FRMD4B: variants seen among roughly 807,000 people sequenced by gnomAD.
FRMD4B encodes FERM domain containing 4B.
In FRMD4B, 74 loss-of-function variants were observed where a neutral mutation model predicts 141.5. The observed-to-expected ratio is 0.52, with a 90% CI of 0.43 to 0.63. The LOEUF is 0.63. FRMD4B is among the 30% of genes least tolerant of loss of function. The pLI, the probability that FRMD4B is intolerant of heterozygous loss-of-function variation, is 0.00. For synonymous variants in FRMD4B, 506 were observed against 467.9 expected (o/e 1.08, Z -1.05); for missense variants, 1,366 against 1,253.4 (o/e 1.09, Z -1.36).
At chr3:69,327,196 T>C (rs1702215754) in intron 1 of FRMD4B, among the ~76,000 whole-genome samples, 1 of 152,186 alleles carries the variant, frequency 6.6e-6, no homozygotes, top group African/African-American at 2.4e-5. Flanking sequence ...TTGGAAACTT[T>C]TTGCTTTGCC....
At chr3:69,355,768 T>A (rs1483891129) in intron 1 of FRMD4B, among the ~76,000 whole-genome samples, 1 of 152,178 alleles carries the variant, frequency 6.6e-6, no homozygotes, top group Non-Finnish European at 1.5e-5. Context: ...CTCACACCTG[T>A]AATCTCAGCA....
chr3:69,234,298 G>T (rs1559739884), intron 7 of FRMD4B, among the ~76,000 whole-genome samples: 3 of 150,622 alleles, frequency 2.0e-5, no homozygotes, highest in African/African-American at 7.3e-5. Flanking sequence ...TGTAACAGGT[G>T]CCAACTTAAC....
intron 1 of FRMD4B, among the ~76,000 whole-genome samples, chr3:69,343,572 TTTTTG>T (rs1387914204): frequency 4.4e-5 from 3 of 68,820 alleles, no homozygotes; most frequent in African/African-American, 9.6e-5. Flanking sequence ...TCTTAACAGT[TTTTTG>T]TTTTTTTTTT....
chr3:69,478,930 T>G (rs992460351), intron 1 of FRMD4B, among the ~76,000 whole-genome samples: 7 of 150,082 alleles, frequency 4.7e-5, no homozygotes, highest in East Asian at 2.0e-4. Context: ...TAGCTCTTCT[T>G]GTTGAATTGA....
chr3:69,387,258 G>A (rs1320900959), upstream of FRMD4B, among the ~76,000 whole-genome samples: 1 of 152,016 alleles, frequency 6.6e-6, no homozygotes, highest in African/African-American at 2.4e-5. Context: ...CCTCAGCCAC[G>A]GGGACTACAG....
In FRMD4B at chr3:69,336,107, G is replaced by GA. The variant is rs371569443; in HGVS notation, c.163-22591_163-22590insT. On this transcript the variant is annotated intron_variant, in intron 1 of 22. Coordinates refer to ENST00000398540, the MANE Select transcript of FRMD4B (RefSeq NM_015123.3). Reference sequence around the variant, plus strand: ...CAAGAACCAATTATAACTTCCCTTGGGGGGTGAAGTCACCCTATGGAGAAT... The same window carrying GA: ...CAAGAACCAATTATAACTTCCCTTGGAGGGGTGAAGTCACCCTATGGAGAAT... Among the ~76,000 whole-genome samples, 641 of 151,916 alleles carry GA rather than the reference G, an allele frequency of 4.2e-3. 4 individuals are homozygous for GA. Among genetic ancestry groups the GA allele is most frequent in the African/African-American group, 0.014 (574 of 41,386 alleles).
At chr3:69,312,901 A>G (rs7649373) in intron 2 of FRMD4B, among the ~76,000 whole-genome samples, 39,532 of 151,766 alleles carry the variant, frequency 0.26, 5,699 homozygotes, top group East Asian at 0.38. Context: ...AAAAAAAAAT[A>G]TATCTATCTA....
chr3:69,339,609 C>T (rs1015136062), intron 1 of FRMD4B, among the ~76,000 whole-genome samples: 2 of 151,998 alleles, frequency 1.3e-5, no homozygotes, highest in Non-Finnish European at 2.9e-5. Flanking sequence ...ATAAATGTAT[C>T]CCAGAACTTA....
intron 5 of FRMD4B, among the ~76,000 whole-genome samples, chr3:69,267,160 C>A (rs2093566193): frequency 6.6e-6 from 1 of 152,176 alleles, no homozygotes; most frequent in Non-Finnish European, 1.5e-5. Context: ...GTTTCTGATT[C>A]ATGTCCAACA....
intron 4 of FRMD4B, among the ~76,000 whole-genome samples, chr3:69,298,009 CA>C (rs1701086247): frequency 6.6e-6 from 1 of 152,152 alleles, no homozygotes. Flanking sequence ...TGTGCAGAAG[CA>C]GCATATGTTT....
At chr3:69,199,846 T>C (rs1244096457) in intron 11 of FRMD4B, among the ~76,000 whole-genome samples, 1 of 152,246 alleles carries the variant, frequency 6.6e-6, no homozygotes, top group Non-Finnish European at 1.5e-5. Flanking sequence ...GAATTGAGGA[T>C]GCCTTGCTAT....
intron 1 of FRMD4B, chr3:69,536,471 C>G (rs578037584): frequency 1.3e-5 from 9 of 700,074 alleles, no homozygotes; most frequent in East Asian, 2.8e-5. Context: ...TAGAGCTTGA[C>G]GGCCACCGCC....
intron 1 of FRMD4B, among the ~76,000 whole-genome samples, chr3:69,344,006 C>T (rs898789141): frequency 1.3e-5 from 2 of 152,180 alleles, no homozygotes; most frequent in Non-Finnish European, 2.9e-5. Context: ...TCTTATTCAC[C>T]TCTGTAAGCC....
At chr3:69,320,313 C>T (rs754559681) in intron 1 of FRMD4B, among the ~76,000 whole-genome samples, 1 of 152,204 alleles carries the variant, frequency 6.6e-6, no homozygotes, top group African/African-American at 2.4e-5. Context: ...CTGACCTGGG[C>T]CAGGTGTGTT....
intron 1 of FRMD4B, among the ~76,000 whole-genome samples, chr3:69,454,437 G>A (rs532693296): frequency 2.0e-5 from 3 of 152,206 alleles, no homozygotes; most frequent in African/African-American, 7.2e-5. Flanking sequence ...GAGGTGTGGA[G>A]GAAGAGGTGC....
chr3:69,264,860 C>T (rs77768984), intron 5 of FRMD4B, among the ~76,000 whole-genome samples: 1,758 of 152,122 alleles, frequency 0.012, 39 homozygotes, highest in African/African-American at 0.04. Flanking sequence ...CTGGGCAGAC[C>T]GCTTCTCAGA....
At chr3:69,353,287 C>A (rs1474910988) in intron 1 of FRMD4B, among the ~76,000 whole-genome samples, 2 of 152,124 alleles carry the variant, frequency 1.3e-5, no homozygotes, top group African/African-American at 4.8e-5. Flanking sequence ...CTTTAAGGAC[C>A]ATCTTCACTT....
At chr3:69,175,188 C>G (rs2092630743) in intron 22 of FRMD4B, among the ~76,000 whole-genome samples, 2 of 152,128 alleles carry the variant, frequency 1.3e-5, no homozygotes, top group Admixed American at 1.3e-4. Context: ...AAGTTGTAGT[C>G]TGTATAACTT....
intron 1 of FRMD4B, among the ~76,000 whole-genome samples, chr3:69,316,849 T>C (rs971667649): frequency 3.9e-5 from 6 of 152,234 alleles, no homozygotes; most frequent in African/African-American, 1.4e-4. Flanking sequence ...AGGCTGGGTG[T>C]GTTGGCTCAC....
Sources: allele counts gnomAD v4.1 joint callset (sites outside exome capture counted in the v4.1 genomes callset), GRCh38; gene constraint gnomAD v4.1.1; transcripts MANE v1.5; gene names NCBI Gene and HGNC (gene_info 2026-07-23, HGNC 2026-07-21).